Variants in DYM observed in about 807,000 individuals in gnomAD.
The protein encoded by DYM is dymeclin, also known as dyggve-Melchior-Clausen syndrome protein.
A neutral mutation model predicts 93.1 loss-of-function variants in DYM; 78 were observed. The ratio of observed to expected loss-of-function variants is 0.84; its 90% CI spans 0.70 to 1.01. DYM has a LOEUF of 1.01. Ranked by LOEUF, DYM falls within the 50% of genes least tolerant of loss-of-function variation. The pLI is 0.00. For missense variants in DYM, 789 were observed against 845.0 expected, an observed-to-expected ratio of 0.93 and a Z score of 0.82; for synonymous variants, 321 against 319.7, an observed-to-expected ratio of 1.00 and a Z score of -0.04.
At chr18:49,207,592 G>A (rs905809814) in intron 14 of DYM, among the ~76,000 whole-genome samples, 1 of 152,206 alleles carries the variant, frequency 6.6e-6, no homozygotes, top group African/African-American at 2.4e-5. Context: ...ATCAGCTGAA[G>A]CTATTATAAA....
intron 6 of DYM, among the ~76,000 whole-genome samples, chr18:49,345,650 G>C (rs1478084894): frequency 1.3e-5 from 2 of 152,100 alleles, no homozygotes; most frequent in African/African-American, 4.8e-5. Flanking sequence ...AGAGTAGTAA[G>C]AGATGAGGTT....
At chr18:49,313,462 C>CAAAAAAAAAAAAAAAAAAAAAA (rs60775305) in intron 8 of DYM, among the ~76,000 whole-genome samples, 2 of 28,564 alleles carry the variant, frequency 7.0e-5, no homozygotes, top group African/African-American at 1.4e-4. Context: ...GACTCTGTCA[C>CAAAAAAAAAAAAAAAAAAAAAA]AAAAAAAAAA....
At chr18:49,333,130 A>C (rs1350825400) in intron 7 of DYM, among the ~76,000 whole-genome samples, 5 of 152,212 alleles carry the variant, frequency 3.3e-5, no homozygotes, top group Non-Finnish European at 5.9e-5. Context: ...ACATTTTTAA[A>C]GTTTTGTGAA....
At chr18:49,320,750 G>C (rs2062410506) in intron 8 of DYM, among the ~76,000 whole-genome samples, 1 of 152,156 alleles carries the variant, frequency 6.6e-6, no homozygotes, top group African/African-American at 2.4e-5. Flanking sequence ...TGGGATTACA[G>C]GTGTGAGCCA....
intron 13 of DYM, among the ~76,000 whole-genome samples, chr18:49,226,052 C>T (rs2093516307): frequency 6.6e-6 from 1 of 152,100 alleles, no homozygotes; most frequent in African/African-American, 2.4e-5. Context: ...TACAGAATCT[C>T]ATTCTCTTCC....
Position 49,150,547 on chromosome 18 carries a change from G to A in DYM, c.1728+13138C>T, listed in dbSNP as rs1009777150. On this transcript the variant is annotated intron_variant, in intron 15 of 17. Transcript: ENST00000675505. ...GGCCTCACCAGAACCCAACTGTGCT[G>A]ACACTCCATCTTGGGCTTTCTGCCT... 3.9e-5 allele frequency among the ~76,000 whole-genome samples: 6 copies of A among 152,358 alleles called. No homozygotes were observed. The East Asian group carries it at 1.2e-3, about 29-fold the overall frequency.
At chr18:49,459,194 G>A (rs73447711) in intron 1 of DYM, among the ~76,000 whole-genome samples, 2 of 152,120 alleles carry the variant, frequency 1.3e-5, no homozygotes, top group African/African-American at 4.8e-5. Context: ...ACTTGCGACT[G>A]ATAGTTTCAT....
intron 15 of DYM, among the ~76,000 whole-genome samples, chr18:49,131,043 T>C (rs2083335733): frequency 6.6e-6 from 1 of 152,214 alleles, no homozygotes. Context: ...TTAAATAACG[T>C]ATTTAAAACT....
chr18:49,292,613 A>AAC (rs1568188966), intron 8 of DYM, among the ~76,000 whole-genome samples: 10 of 139,024 alleles, frequency 7.2e-5, no homozygotes, highest in African/African-American at 2.8e-4. Flanking sequence ...AAAAAAAAAA[A>AAC]AAAAAAAAAA....
At chr18:49,302,804 T>C (rs1342666210) in intron 8 of DYM, among the ~76,000 whole-genome samples, 2 of 152,200 alleles carry the variant, frequency 1.3e-5, no homozygotes, top group Non-Finnish European at 2.9e-5. Context: ...CAGATTTGCA[T>C]CCATGCTGTT....
chr18:49,361,883 G>A (rs2066055343), intron 6 of DYM, among the ~76,000 whole-genome samples: 2 of 151,942 alleles, frequency 1.3e-5, no homozygotes, highest in South Asian at 2.1e-4. Flanking sequence ...GCGCCACCAC[G>A]CCCAGCTAGT....
At chr18:49,167,559 C>T (rs1415555676) in intron 14 of DYM, among the ~76,000 whole-genome samples, 2 of 152,104 alleles carry the variant, frequency 1.3e-5, no homozygotes, top group African/African-American at 4.8e-5. Context: ...TTTTATTTAA[C>T]ATTTTTAAGG....
intron 6 of DYM, among the ~76,000 whole-genome samples, chr18:49,349,051 T>C (rs956421027): frequency 1.3e-5 from 2 of 151,436 alleles, no homozygotes; most frequent in East Asian, 3.9e-4. Flanking sequence ...CTACTAAAAA[T>C]ATAAAAACTA....
At chr18:49,203,242 C>A (rs2092239708) in intron 14 of DYM, among the ~76,000 whole-genome samples, 1 of 63,672 alleles carries the variant, frequency 1.6e-5, no homozygotes, top group Non-Finnish European at 4.0e-5. Flanking sequence ...GGGTCAGCCC[C>A]CCCTGCCCGG....
chr18:49,240,898 T>C (rs2093994496), intron 13 of DYM, among the ~76,000 whole-genome samples: 1 of 152,244 alleles, frequency 6.6e-6, no homozygotes, highest in East Asian at 1.9e-4. Flanking sequence ...TAATCATTTT[T>C]ACTATTTCGC....
chr18:49,220,227 ACAAACCACTG>A (rs1168946253), intron 13 of DYM, among the ~76,000 whole-genome samples: 1 of 151,794 alleles, frequency 6.6e-6, no homozygotes, highest in Non-Finnish European at 1.5e-5. Context: ...AAGGAGAACT[ACAAACCACTG>A]CTCAATGAAA....
chr18:49,089,091 C>T (rs1306880139), intron 17 of DYM, among the ~76,000 whole-genome samples: 4 of 152,270 alleles, frequency 2.6e-5, no homozygotes, highest in East Asian at 1.9e-4. Flanking sequence ...AGTCACTGCA[C>T]CTGGCTCCAA....
chr18:49,419,340 C>A (rs1432519180), intron 2 of DYM, among the ~76,000 whole-genome samples: 2 of 151,934 alleles, frequency 1.3e-5, no homozygotes, highest in African/African-American at 4.8e-5. Context: ...GCCTGGGCGA[C>A]AGAGCAAGAC....
chr18:49,279,393 T>A (rs2145688188), intron 10 of DYM, among the ~76,000 whole-genome samples: 1 of 152,266 alleles, frequency 6.6e-6, no homozygotes, highest in South Asian at 2.1e-4. Context: ...CAAAATCAGA[T>A]CAGCACAGTA....
Sources: gnomAD v4.1 joint callset for allele counts (sites outside exome capture counted in the v4.1 genomes callset) on GRCh38, gnomAD v4.1.1 for gene constraint, MANE v1.5 for transcripts, NCBI Gene and HGNC (gene_info 2026-07-23, HGNC 2026-07-21) for gene names.